Variants in ARID5B observed in about 807,000 individuals in gnomAD.
ARID5B encodes the protein AT-rich interaction domain 5B.
ARID5B carries 13 observed loss-of-function variants against 97.2 expected under a neutral mutation model. The ratio of observed to expected loss-of-function variants is 0.13; its 90% CI spans 0.09 to 0.21. ARID5B has a LOEUF of 0.21. ARID5B is among the 10% of genes least tolerant of loss of function. The pLI is 1.00. For missense variants in ARID5B, 1,210 were observed against 1,465.3 expected (o/e 0.83, Z 2.84); for synonymous variants, 556 against 570.3 (o/e 0.97, Z 0.36).
intron 4 of ARID5B, among the ~76,000 whole-genome samples, chr10:62,017,817 T>A (rs1314309843): frequency 6.6e-6 from 1 of 152,254 alleles, no homozygotes; most frequent in African/African-American, 2.4e-5. Flanking sequence ...TTGCAAGTTT[T>A]GTGTTCTGCT....
At chr10:61,905,067 A>G (rs146800113) in intron 2 of ARID5B, among the ~76,000 whole-genome samples, 20 of 152,378 alleles carry the variant, frequency 1.3e-4, no homozygotes, top group African/African-American at 4.6e-4. Context: ...ACTTGTTTAT[A>G]TACATTTAAA....
At position 62,091,128 on chromosome 10, in the gene ARID5B, G is replaced by A. The variant is rs774734058; in HGVS notation, c.1665G>A (p.Leu555=). 8 of 1,614,160 alleles carry A rather than the reference G, an allele frequency of 5.0e-6. No individual in the cohort carries two copies. The Admixed American group carries it at 1.3e-4, about 27-fold the overall frequency. ...TGGCCCCAGAAAAAGATTCAGCCTT[G>A]GTCCCTGGGGCCAGCAAACAGCCAC... ...APLAPEKDSA[L]VPGASKQPLT... Residue 555 remains leucine (L), a synonymous_variant, in exon 10 of 10, where the codon TTG becomes TTA. Coordinates refer to ENST00000279873, the MANE Select transcript of ARID5B (RefSeq NM_032199.3).
chr10:62,039,434 T>C (rs1839606365), intron 4 of ARID5B, among the ~76,000 whole-genome samples: 1 of 152,256 alleles, frequency 6.6e-6, no homozygotes, highest in Non-Finnish European at 1.5e-5. Flanking sequence ...CTTCTTTCTA[T>C]AGCCACCATT....
chr10:61,908,454 AT>A (rs1843740308), intron 2 of ARID5B, among the ~76,000 whole-genome samples: 1 of 152,098 alleles, frequency 6.6e-6, no homozygotes, highest in African/African-American at 2.4e-5. Flanking sequence ...AATTCATTAA[AT>A]TTCTCAGATG....
intron 4 of ARID5B, among the ~76,000 whole-genome samples, chr10:62,041,809 G>A (rs980835956): frequency 6.6e-6 from 1 of 152,188 alleles, no homozygotes; most frequent in Non-Finnish European, 1.5e-5. Context: ...GGCTGAACAA[G>A]AATGTCCTGT....
chr10:62,006,591 G>GGTAGA (rs1316502264), intron 4 of ARID5B, among the ~76,000 whole-genome samples: 1 of 152,158 alleles, frequency 6.6e-6, no homozygotes, highest in African/African-American at 2.4e-5. Flanking sequence ...ACTCAGTGCT[G>GGTAGA]GTAGAGGTGT....
At chr10:62,026,497 A>T (rs959854362) in intron 4 of ARID5B, among the ~76,000 whole-genome samples, 2 of 152,232 alleles carry the variant, frequency 1.3e-5, no homozygotes, top group African/African-American at 2.4e-5. Flanking sequence ...CAATTGTAAC[A>T]GTATTTAAGT....
chr10:61,998,737 C>T (rs961769480), intron 3 of ARID5B, among the ~76,000 whole-genome samples: 1 of 152,014 alleles, frequency 6.6e-6, no homozygotes, highest in Non-Finnish European at 1.5e-5. Flanking sequence ...CTGAGGTGTG[C>T]CAAGTTACCA....
intron 3 of ARID5B, among the ~76,000 whole-genome samples, chr10:61,949,610 C>G (rs560421889): frequency 6.6e-6 from 1 of 152,258 alleles, no homozygotes; most frequent in African/African-American, 2.4e-5. Flanking sequence ...GCACTCCAGC[C>G]TTGGCAACAA....
chr10:61,955,496 AT>A (rs1405739306), intron 3 of ARID5B, among the ~76,000 whole-genome samples: 1 of 152,226 alleles, frequency 6.6e-6, no homozygotes, highest in Non-Finnish European at 1.5e-5. Flanking sequence ...CATTAGTGAT[AT>A]TTCACACATG....
intron 3 of ARID5B, among the ~76,000 whole-genome samples, chr10:61,969,163 C>A (rs184992591): frequency 3.3e-5 from 5 of 152,104 alleles, no homozygotes; most frequent in African/African-American, 7.2e-5. Flanking sequence ...ACCCTCCCCC[C>A]CAAATAAAGT....
chr10:61,939,571 T>C (rs929435143), intron 2 of ARID5B, among the ~76,000 whole-genome samples: 1 of 152,254 alleles, frequency 6.6e-6, no homozygotes, highest in Non-Finnish European at 1.5e-5. Context: ...TACAAAGTTT[T>C]TGAGAAACAT....
intron 4 of ARID5B, among the ~76,000 whole-genome samples, chr10:62,017,391 G>A (rs1224615842): frequency 1.3e-5 from 2 of 152,012 alleles, no homozygotes; most frequent in South Asian, 4.1e-4. Flanking sequence ...ATCGGAGACT[G>A]CAGTGAGCCA....
At chr10:62,086,023 A>T in intron 9 of ARID5B, 123 bp downstream of exon 9, 1 of 1,022,220 alleles carries the variant, frequency 9.8e-7, no homozygotes, top group Non-Finnish European at 1.4e-6. Flanking sequence ...GAAACCAAGA[A>T]ATCTAAGCTT....
chr10:61,935,252 G>A (rs1007806444), intron 2 of ARID5B, among the ~76,000 whole-genome samples: 3 of 152,058 alleles, frequency 2.0e-5, no homozygotes, highest in East Asian at 1.9e-4. Context: ...AGGTATGCCC[G>A]TACATGGAAA....
At chr10:62,071,756 T>A (rs1282341826) in intron 8 of ARID5B, among the ~76,000 whole-genome samples, 1 of 152,184 alleles carries the variant, frequency 6.6e-6, no homozygotes, top group Non-Finnish European at 1.5e-5. Context: ...CCACAAACTT[T>A]AGCAATTAAG....
chr10:62,007,316 C>T (rs1839158952), intron 4 of ARID5B, among the ~76,000 whole-genome samples: 1 of 152,222 alleles, frequency 6.6e-6, no homozygotes, highest in Non-Finnish European at 1.5e-5. Flanking sequence ...GAGCCTATTA[C>T]AGTGCCTGAC....
At chr10:62,077,492 T>C (rs924070419) in intron 8 of ARID5B, among the ~76,000 whole-genome samples, 1 of 151,960 alleles carries the variant, frequency 6.6e-6, no homozygotes, top group Non-Finnish European at 1.5e-5. Flanking sequence ...GTGTATGTCA[T>C]GCTGTAAACT....
chr10:61,975,523 T>C (rs1838687123), intron 3 of ARID5B, among the ~76,000 whole-genome samples: 1 of 151,856 alleles, frequency 6.6e-6, no homozygotes, highest in Admixed American at 6.6e-5. Flanking sequence ...TGAGTCATCC[T>C]AGACAAGTCA....
Sources: gnomAD v4.1 joint callset for allele counts (sites outside exome capture counted in the v4.1 genomes callset) on GRCh38, gnomAD v4.1.1 for gene constraint, MANE v1.5 for transcripts, NCBI Gene and HGNC (gene_info 2026-07-23, HGNC 2026-07-21) for gene names.